Variants in SLC16A12 observed in about 807,000 individuals in gnomAD.
SLC16A12 encodes the protein solute carrier family 16 member 12, also known as monocarboxylate transporter 12.
SLC16A12 carries 17 observed loss-of-function variants against 42.4 expected under a neutral mutation model. The observed-to-expected ratio is 0.40, with a 90% confidence interval of 0.27 to 0.60. The LOEUF is 0.60. SLC16A12 is among the 20% of genes least tolerant of loss of function. SLC16A12 has a pLI of 0.42. For synonymous variants in SLC16A12, 224 were observed against 229.4 expected (o/e 0.98, Z 0.21); for missense variants, 544 against 623.0 (o/e 0.87, Z 1.35).
intron 2 of SLC16A12, among the ~76,000 whole-genome samples, chr10:89,527,241 G>A (rs1484772998): frequency 1.3e-5 from 2 of 151,998 alleles, no homozygotes; most frequent in Non-Finnish European, 1.5e-5. Flanking sequence ...CCAGCACTTT[G>A]GGAGGCCGAG....
rs746037757 is a variant in SLC16A12 at position 89,443,751 on chromosome 10, C to T, written c.304+5G>A. 6.2e-7 allele frequency: 1 copy of T among 1,601,996 alleles called. No homozygotes were observed. The highest frequency in any genetic ancestry group is 1.1e-5 in the South Asian group (1 of 90,812). Reference sequence around the variant, plus strand: ...TAATTCCCTATCCTAGTAAGTAATACTCACCACAGAGCATGGTCACACAAT... The same window carrying T: ...TAATTCCCTATCCTAGTAAGTAATATTCACCACAGAGCATGGTCACACAAT... On this transcript the variant is annotated splice_donor_5th_base_variant and intron_variant, in intron 4 of 7. Coordinates refer to ENST00000371790, the MANE Select transcript of SLC16A12 (RefSeq NM_213606.4).
intron 2 of SLC16A12, among the ~76,000 whole-genome samples, chr10:89,502,014 A>G (rs1204789510): frequency 6.6e-6 from 1 of 152,202 alleles, no homozygotes; most frequent in East Asian, 1.9e-4. Flanking sequence ...TGAATTGAAG[A>G]CAATTTGATC....
chr10:89,435,606 C>T (rs303169), intron 7 of SLC16A12, among the ~76,000 whole-genome samples: 92,926 of 152,018 alleles, frequency 0.61, 30,219 homozygotes, highest in African/African-American at 0.83. Context: ...ATACTATCCA[C>T]AGTCTCTGAA....
intron 2 of SLC16A12, among the ~76,000 whole-genome samples, chr10:89,510,513 A>G (rs1843146767): frequency 6.6e-6 from 1 of 152,252 alleles, no homozygotes; most frequent in African/African-American, 2.4e-5. Flanking sequence ...TGGTGCTGGG[A>G]AAACTGGCTA....
At chr10:89,455,585 GA>G (rs1490927939) in intron 3 of SLC16A12, among the ~76,000 whole-genome samples, 1 of 152,184 alleles carries the variant, frequency 6.6e-6, no homozygotes, top group Non-Finnish European at 1.5e-5. Context: ...AAGCACCACA[GA>G]ACTTTTTGAG....
intron 2 of SLC16A12, among the ~76,000 whole-genome samples, chr10:89,482,705 C>A (rs539672858): frequency 2.4e-4 from 36 of 151,710 alleles, no homozygotes; most frequent in South Asian, 4.2e-4. Flanking sequence ...GATCCTTGAG[C>A]CTGTGAGGTA....
chr10:89,488,323 T>A (rs1842794965), intron 2 of SLC16A12, among the ~76,000 whole-genome samples: 1 of 152,142 alleles, frequency 6.6e-6, no homozygotes, highest in Admixed American at 6.6e-5. Context: ...CAGCTACTAT[T>A]TTTTCAGCAC....
intron 2 of SLC16A12, among the ~76,000 whole-genome samples, chr10:89,542,375 T>G (rs888250315): frequency 2.7e-5 from 4 of 150,424 alleles, no homozygotes; most frequent in African/African-American, 9.8e-5. Context: ...TGATCTCGAC[T>G]CATGGCAACT....
intron 2 of SLC16A12, among the ~76,000 whole-genome samples, chr10:89,509,994 C>A (rs1254734292): frequency 6.6e-6 from 1 of 152,060 alleles, no homozygotes; most frequent in Non-Finnish European, 1.5e-5. Flanking sequence ...ACAATTGCTA[C>A]AAAGAGAATA....
chr10:89,450,302 C>G (rs965210779), intron 3 of SLC16A12, among the ~76,000 whole-genome samples: 1 of 152,184 alleles, frequency 6.6e-6, no homozygotes, highest in African/African-American at 2.4e-5. Flanking sequence ...TATAAAGACA[C>G]ATGTGCACGT....
Position 89,534,648 on chromosome 10 carries a change from A to AAC in SLC16A12, c.-186-9_-186-8insGT, listed in dbSNP as rs1843619578. On this transcript the variant is annotated splice_polypyrimidine_tract_variant and intron_variant, in intron 1 of 7. Transcript: ENST00000371790. ...TATGTCGAAATCCTGTATCTGCAAA[A>AAC]AAAAAAAAAAAAAAAAAAAAAAATC... 7.0e-6 allele frequency: 1 copy of AAC among 141,940 alleles called. No individual in the cohort carries two copies. Among genetic ancestry groups the AAC allele is most frequent in the Non-Finnish European group, 1.5e-5 (1 of 64,526 alleles). 8.8% of individuals were successfully genotyped at this position (141,940 alleles called of 1,614,324 possible). A position where few individuals can be genotyped will look rare whatever the true frequency, so the allele number is the denominator to read the frequency against.
rs1422727915 is a variant in SLC16A12 at position 89,438,928 on chromosome 10, G to T, written c.704C>A (p.Thr235Asn). Reference sequence around the variant, plus strand: ...TCTACACACATGGTTCTGCTCTGGAGTTGTGTGGTCCTCTTTAAGAGTAAT... The same window carrying T: ...TCTACACACATGGTTCTGCTCTGGATTTGTGTGGTCCTCTTTAAGAGTAAT... ...RPITLKEDHT[T>N]PEQNHVCRTQ... The change falls in exon 6 of 8, where the codon ACT becomes AAT. Residue 235 changes from threonine to asparagine, a missense_variant. Coordinates refer to ENST00000371790, the MANE Select transcript of SLC16A12 (RefSeq NM_213606.4). The T allele has an allele frequency of 2.5e-6, 4 of 1,614,194 alleles. No individual in the cohort carries two copies. The highest frequency in any genetic ancestry group is 3.4e-6 in the Non-Finnish European group (4 of 1,180,030).
At chr10:89,541,670 C>T (rs1163749201) in intron 2 of SLC16A12, among the ~76,000 whole-genome samples, 5 of 152,178 alleles carry the variant, frequency 3.3e-5, no homozygotes, top group South Asian at 2.1e-4. Flanking sequence ...TCAAGGTCTG[C>T]GCTACTGATA....
rs1841678974 is a variant in SLC16A12, at chr10:89,430,540, T to A, written c.*2524A>T. On this transcript the variant is annotated 3_prime_UTR_variant, in exon 8 of 8. Transcript: ENST00000371790. ...TAATTTTGTTCTTGATTCCACAAAA[T>A]ACATCATTCCCATGAATTTCTCAGT... is the stretch of plus-strand genomic sequence containing the variant. The A allele has an allele frequency of 4.7e-6, 2 of 421,824 alleles. No homozygotes were observed. Among genetic ancestry groups the A allele is most frequent in the Non-Finnish European group, 9.3e-6 (2 of 214,372 alleles). The allele number at this position is 421,824 out of a possible 1,614,324, so 26.1% of individuals were successfully genotyped here.
At chr10:89,459,502 C>A (rs1054059225) in intron 3 of SLC16A12, among the ~76,000 whole-genome samples, 1 of 116,874 alleles carries the variant, frequency 8.6e-6, no homozygotes, top group Admixed American at 8.0e-5. Flanking sequence ...AAGGGCATAG[C>A]GGTTTCTGTG....
At chr10:89,544,686 A>G (rs1241637212) in intron 2 of SLC16A12, among the ~76,000 whole-genome samples, 1 of 152,170 alleles carries the variant, frequency 6.6e-6, no homozygotes, top group Non-Finnish European at 1.5e-5. Context: ...CTGTGTATGT[A>G]TTATTTCATT....
rs541291852 is a variant in SLC16A12, at chr10:89,447,076, G to A, written c.201-3217C>T. Reference sequence around the variant, plus strand: ...AGAGCTAACTATCCTAAATATATACGCACCCAATACAGGAGCACCCAAATT... The same window carrying A: ...AGAGCTAACTATCCTAAATATATACACACCCAATACAGGAGCACCCAAATT... On this transcript the variant is annotated intron_variant, in intron 3 of 7. Transcript: ENST00000371790. Among the ~76,000 whole-genome samples the A allele has an allele frequency of 3.6e-3, 555 of 152,204 alleles. 4 individuals are homozygous for A. Among genetic ancestry groups the A allele is most frequent in the African/African-American group, 0.013 (524 of 41,494 alleles).
intron 2 of SLC16A12, among the ~76,000 whole-genome samples, chr10:89,513,080 T>A (rs1843190163): frequency 6.6e-6 from 1 of 152,164 alleles, no homozygotes; most frequent in Admixed American, 6.6e-5. Flanking sequence ...AGGAAAACAG[T>A]TTGTTTTTCC....
chr10:89,476,779 G>A (rs78124271), intron 2 of SLC16A12, among the ~76,000 whole-genome samples: 6,062 of 152,266 alleles, frequency 0.04, 397 homozygotes, highest in African/African-American at 0.13. Flanking sequence ...CCCAGACCAG[G>A]CCAAAGGTGG....
Sources: gnomAD v4.1 joint callset for allele counts (sites outside exome capture counted in the v4.1 genomes callset) on GRCh38, gnomAD v4.1.1 for gene constraint, MANE v1.5 for transcripts, NCBI Gene and HGNC (gene_info 2026-07-23, HGNC 2026-07-21) for gene names.